EXOC6: variants seen among roughly 807,000 people sequenced by gnomAD.
EXOC6 encodes the protein SEC15-like 1.
EXOC6 carries 60 observed loss-of-function variants against 112.5 expected under a neutral mutation model. The ratio of observed to expected loss-of-function variants is 0.53; its 90% CI spans 0.43 to 0.66. The LOEUF is 0.66. Ranked by LOEUF, EXOC6 falls within the 30% of genes least tolerant of loss-of-function variation. EXOC6 has a pLI of 0.00. For missense variants in EXOC6, 855 were observed against 957.1 expected (o/e 0.89, Z 1.41); for synonymous variants, 295 against 308.0 (o/e 0.96, Z 0.44).
At chr10:92,883,754 A>C (rs1437113447) in intron 1 of EXOC6, among the ~76,000 whole-genome samples, 2 of 152,226 alleles carry the variant, frequency 1.3e-5, no homozygotes, top group Non-Finnish European at 1.5e-5. Flanking sequence ...CTAATGTATC[A>C]TTTGAAAAAC....
chr10:92,857,781 T>TTGTG (rs10623375), intron 1 of EXOC6, among the ~76,000 whole-genome samples: 19 of 151,984 alleles, frequency 1.3e-4, no homozygotes, highest in African/African-American at 4.3e-4. Flanking sequence ...CTGGTGTTCT[T>TTGTG]TGTGTGTGTC....
At chr10:92,853,662 G>T (rs989384368) in intron 1 of EXOC6, among the ~76,000 whole-genome samples, 2 of 152,120 alleles carry the variant, frequency 1.3e-5, no homozygotes, top group South Asian at 4.1e-4. Context: ...TAGTAATGGT[G>T]GTGGAAAAAT....
intron 4 of EXOC6, among the ~76,000 whole-genome samples, chr10:92,898,761 A>G (rs1469992335): frequency 1.3e-5 from 2 of 152,114 alleles, no homozygotes; most frequent in Non-Finnish European, 2.9e-5. Flanking sequence ...TGCAGTTTTT[A>G]TGGTTTTCAG....
intron 7 of EXOC6, among the ~76,000 whole-genome samples, chr10:92,917,410 G>T (rs1851151829): frequency 7.2e-6 from 1 of 138,412 alleles, no homozygotes; most frequent in African/African-American, 2.9e-5. Flanking sequence ...ACTCTACTAT[G>T]ATTAGTCTTT....
intron 4 of EXOC6, among the ~76,000 whole-genome samples, chr10:92,898,402 C>G (rs1178540100): frequency 6.7e-6 from 1 of 149,018 alleles, no homozygotes; most frequent in Non-Finnish European, 1.5e-5. Context: ...TGCCCTGTAA[C>G]CTGGGTGACA....
chr10:92,985,575 T>G (rs899552356), intron 18 of EXOC6, among the ~76,000 whole-genome samples: 6 of 152,236 alleles, frequency 3.9e-5, no homozygotes, highest in Admixed American at 2.0e-4. Context: ...AACAACTTGC[T>G]TCCTTCTCCT....
intron 8 of EXOC6, among the ~76,000 whole-genome samples, chr10:92,922,045 A>C (rs1158297171): frequency 6.6e-6 from 1 of 152,028 alleles, no homozygotes; most frequent in African/African-American, 2.4e-5. Context: ...TCCTGGGTTC[A>C]AGCGATTCTA....
At chr10:92,960,387 G>A (rs1195163695) in intron 17 of EXOC6, among the ~76,000 whole-genome samples, 3 of 152,114 alleles carry the variant, frequency 2.0e-5, no homozygotes, top group Non-Finnish European at 2.9e-5. Flanking sequence ...AAGCACAGAG[G>A]ATGTTTAGGG....
At chr10:93,015,180 C>T (rs1361932965) in intron 20 of EXOC6, among the ~76,000 whole-genome samples, 2 of 152,128 alleles carry the variant, frequency 1.3e-5, no homozygotes, top group East Asian at 1.9e-4. Flanking sequence ...GATGAGGCTT[C>T]ATCATTGGTA....
intron 13 of EXOC6, among the ~76,000 whole-genome samples, chr10:92,946,342 C>T (rs912616866): frequency 3.3e-5 from 5 of 151,158 alleles, no homozygotes; most frequent in East Asian, 3.9e-4. Context: ...TGCAGTGAGC[C>T]GAAATTGCAC....
At chr10:92,918,412 ATTTCTT>A (rs1258387236) in intron 7 of EXOC6, among the ~76,000 whole-genome samples, 1 of 132,290 alleles carries the variant, frequency 7.6e-6, no homozygotes, top group Admixed American at 8.2e-5. Context: ...TACTATGTGC[ATTTCTT>A]TTTTTTTTTT....
At chr10:92,997,737 T>C (rs1443280131) in intron 19 of EXOC6, 122 bp downstream of exon 19, 3 of 769,648 alleles carry the variant, frequency 3.9e-6, no homozygotes, top group African/African-American at 1.8e-5. Context: ...GCTAAACTTT[T>C]AGCAGCCTTA....
chr10:92,934,301 T>C lies in EXOC6; in HGVS notation c.1020-9T>C. 6.4e-7 allele frequency: 1 copy of C among 1,573,426 alleles called. No homozygotes were observed. Among genetic ancestry groups the C allele is most frequent in the Non-Finnish European group, 8.6e-7 (1 of 1,167,264 alleles). ...TTTTAACACATGCTTTGGTAATTACTGTTTTTAGGTTCTTTGTGGTAGAAG... is the reference window on the plus strand; with the variant it reads ...TTTTAACACATGCTTTGGTAATTACCGTTTTTAGGTTCTTTGTGGTAGAAG... On this transcript the variant is annotated splice_polypyrimidine_tract_variant and intron_variant, in intron 10 of 21. Transcript: ENST00000260762.
Position 93,058,336 on chromosome 10 carries a change from G to T in EXOC6, c.2396G>T (p.Gly799Val). 1 of 1,611,136 alleles carries T rather than the reference G, an allele frequency of 6.2e-7. No homozygotes were observed. The highest frequency in any genetic ancestry group is 8.5e-7 in the Non-Finnish European group (1 of 1,179,436). The change falls in exon 22 of 22, where the codon GGT becomes GTT. Residue 799 changes from glycine (G) to valine (V), a missense_variant. Physicochemically the swap from Gly to Val is moderately radical, Grantham distance 109. Coordinates refer to ENST00000260762, the MANE Select transcript of EXOC6 (RefSeq NM_019053.6). ...AAACAGCTGAGAAGTTTGGTGAATG[G>T]TATGTCCCAGCACATGTAGACCTCA... ...VVKQLRSLVN[G>V]MSQHM
intron 20 of EXOC6, among the ~76,000 whole-genome samples, chr10:93,043,001 A>G (rs1307944384): frequency 2.6e-5 from 4 of 151,788 alleles, no homozygotes; most frequent in Non-Finnish European, 5.9e-5. Context: ...CAGTGGCGCA[A>G]TCTTGGCCCA....
In EXOC6 at chr10:93,000,623, A is replaced by G. The variant is rs998190238; in HGVS notation, c.2095+3008A>G. ...CCAGGACTCCAAAGACAAACCACGG[A>G]AGACAACTCGGATTCCTTTAAGATT... On this transcript the variant is annotated intron_variant, in intron 19 of 21. Transcript: ENST00000260762. Among the ~76,000 whole-genome samples, 6 of 152,186 alleles carry G rather than the reference A, an allele frequency of 3.9e-5. 1 individual carries two copies. The highest frequency in any genetic ancestry group is 7.4e-5 in the Non-Finnish European group (5 of 68,026).
At chr10:93,044,062 A>T (rs771737130) in intron 20 of EXOC6, among the ~76,000 whole-genome samples, 1 of 152,234 alleles carries the variant, frequency 6.6e-6, no homozygotes, top group Non-Finnish European at 1.5e-5. Flanking sequence ...GTAAGCCCTG[A>T]CTACATGATG....
chr10:92,844,279 G>C (rs779864624), upstream of EXOC6, among the ~76,000 whole-genome samples: 4 of 152,184 alleles, frequency 2.6e-5, no homozygotes, highest in Non-Finnish European at 5.9e-5. Context: ...ACTGGGCTGG[G>C]CAGTGAACAA....
chr10:92,894,748 A>G (rs535878037), intron 2 of EXOC6, 46 bp from the exon 3 acceptor site: 1 of 1,472,186 alleles, frequency 6.8e-7, no homozygotes, highest in South Asian at 1.1e-5. Flanking sequence ...ACATCAGGGC[A>G]GTTTTATGCA....
Sources: allele counts gnomAD v4.1 joint callset (sites outside exome capture counted in the v4.1 genomes callset), GRCh38; gene constraint gnomAD v4.1.1; transcripts MANE v1.5; gene names NCBI Gene and HGNC (gene_info 2026-07-23, HGNC 2026-07-21).